GRIK2: variants seen among roughly 807,000 people sequenced by gnomAD.
GRIK2 encodes glutamate ionotropic receptor kainate type subunit 2, also known as glutamate receptor ionotropic, kainate 2.
Under a neutral mutation model 100.3 loss-of-function variants are expected in GRIK2, and 32 were observed. The observed-to-expected ratio is 0.32, with a 90% confidence interval of 0.24 to 0.43. The LOEUF (loss-of-function observed/expected upper bound fraction) is 0.43, where lower values mean the gene tolerates loss of function less well. GRIK2 is among the 20% of genes least tolerant of loss of function. GRIK2 has a pLI of 1.00. For missense variants in GRIK2, 843 were observed against 1,114.9 expected (o/e 0.76, Z 3.47); for synonymous variants, 417 against 389.4 (o/e 1.07, Z -0.83).
intron 2 of GRIK2, among the ~76,000 whole-genome samples, chr6:101,405,820 C>CGACTCAG (rs1248496062): frequency 2.9e-4 from 44 of 152,306 alleles, no homozygotes; most frequent in Admixed American, 2.7e-3. Flanking sequence ...GTGGCATTGC[C>CGACTCAG]GACTCAGAGT....
chr6:101,409,447 CATAAT>C (rs1416771398), intron 2 of GRIK2, among the ~76,000 whole-genome samples: 6 of 151,904 alleles, frequency 3.9e-5, no homozygotes, highest in African/African-American at 1.5e-4. Flanking sequence ...AATGTATATA[CATAAT>C]ATGTCTATCA....
In GRIK2 at chr6:101,814,529, C is replaced by A. The variant is rs1781518709; in HGVS notation, c.1204-3841C>A. Among the ~76,000 whole-genome samples the A allele has an allele frequency of 4.6e-5, 7 of 152,030 alleles. No individual in the cohort carries two copies. The South Asian group carries it at 1.5e-3, about 32-fold the overall frequency. ...CTTTATAATATAATCTGATGTTATT[C>A]AAACTATTAAAAGCTAAATTGTTAT... On this transcript the variant is annotated intron_variant, in intron 9 of 16. Transcript: ENST00000369134.
intron 2 of GRIK2, among the ~76,000 whole-genome samples, chr6:101,424,449 T>C (rs1776590036): frequency 2.0e-5 from 3 of 151,670 alleles, no homozygotes; most frequent in African/African-American, 7.3e-5. Flanking sequence ...GATAGTTTGC[T>C]AAGAATGATG....
At chr6:101,871,898 GGA>G (rs1785444620) in intron 11 of GRIK2, among the ~76,000 whole-genome samples, 1 of 151,884 alleles carries the variant, frequency 6.6e-6, no homozygotes, top group African/African-American at 2.4e-5. Flanking sequence ...TAAATCCAAA[GGA>G]TTTGGTGAGT....
At chr6:101,960,988 A>G (rs1310273273) in intron 14 of GRIK2, among the ~76,000 whole-genome samples, 1 of 152,124 alleles carries the variant, frequency 6.6e-6, no homozygotes, top group African/African-American at 2.4e-5. Context: ...TGGACCACCA[A>G]ACTCACCCTC....
chr6:101,735,623 A>G (rs1325994439), intron 7 of GRIK2, among the ~76,000 whole-genome samples: 2 of 152,280 alleles, frequency 1.3e-5, no homozygotes, highest in Non-Finnish European at 1.5e-5. Flanking sequence ...CTATCATGAA[A>G]ACAATATGTG....
intron 12 of GRIK2, among the ~76,000 whole-genome samples, chr6:101,907,135 A>AAT (rs1788286686): frequency 6.6e-6 from 1 of 151,728 alleles, no homozygotes; most frequent in African/African-American, 2.4e-5. Context: ...CATGTTAAGG[A>AAT]ATATATATTA....
At position 101,455,232 on chromosome 6, in the gene GRIK2, A is replaced by C. The variant is rs538647848; in HGVS notation, c.115+55840A>C. Reference sequence around the variant, plus strand: ...CTACAGCATTTTGTGCATATAAAAGAGAAGAAATTAAAAGTGGGTAATGTG... The same window carrying C: ...CTACAGCATTTTGTGCATATAAAAGCGAAGAAATTAAAAGTGGGTAATGTG... On this transcript the variant is annotated intron_variant, in intron 2 of 16. Coordinates refer to ENST00000369134, the MANE Select transcript of GRIK2 (RefSeq NM_021956.5). Among the ~76,000 whole-genome samples, 7 of 152,226 alleles carry C rather than the reference A, an allele frequency of 4.6e-5. No homozygotes were observed. In the South Asian group the frequency reaches 1.5e-3, roughly 32 times the overall value.
At chr6:101,728,574 T>C (rs993661277) in intron 7 of GRIK2, among the ~76,000 whole-genome samples, 2 of 152,080 alleles carry the variant, frequency 1.3e-5, no homozygotes, top group African/African-American at 4.8e-5. Flanking sequence ...TTTTAAATTC[T>C]GACAGGCACT....
chr6:101,432,500 A>G (rs1465169), intron 2 of GRIK2, among the ~76,000 whole-genome samples: 81,668 of 151,982 alleles, frequency 0.54, 22,419 homozygotes, highest in East Asian at 0.87. Context: ...CATTTATTGA[A>G]CGCCTAACAG....
chr6:101,612,254 C>T (rs9485520), intron 2 of GRIK2, among the ~76,000 whole-genome samples: 27 of 151,912 alleles, frequency 1.8e-4, no homozygotes, highest in African/African-American at 6.5e-4. Context: ...ATCTACCTTG[C>T]AGGACTGAAA....
At chr6:101,867,928 G>C (rs901959078) in intron 11 of GRIK2, among the ~76,000 whole-genome samples, 1 of 150,388 alleles carries the variant, frequency 6.6e-6, no homozygotes, top group African/African-American at 2.5e-5. Context: ...ATGAATTATT[G>C]AATAAATACC....
At chr6:102,020,415 G>A (rs761987948) in intron 14 of GRIK2, among the ~76,000 whole-genome samples, 7 of 151,818 alleles carry the variant, frequency 4.6e-5, no homozygotes, top group Non-Finnish European at 8.8e-5. Flanking sequence ...GGAGCAGAGT[G>A]AGGCTCAGTA....
chr6:102,059,426 TTA>T (rs2114517408), intron 16 of GRIK2, among the ~76,000 whole-genome samples: 1 of 151,296 alleles, frequency 6.6e-6, no homozygotes, highest in Admixed American at 6.6e-5. Flanking sequence ...TTCTGTGATT[TTA>T]AAGATATTTC....
intron 10 of GRIK2, among the ~76,000 whole-genome samples, chr6:101,857,215 G>T (rs1562442535): frequency 6.6e-6 from 1 of 152,134 alleles, no homozygotes; most frequent in African/African-American, 2.4e-5. Context: ...TAGTCTGTAG[G>T]AAAGAGAGCT....
intron 7 of GRIK2, among the ~76,000 whole-genome samples, chr6:101,759,669 T>C (rs73761411): frequency 0.072 from 10,946 of 152,102 alleles, 508 homozygotes; most frequent in African/African-American, 0.12. Context: ...TGTTGTGTAT[T>C]AACCAGCCAA....
intron 2 of GRIK2, among the ~76,000 whole-genome samples, chr6:101,553,235 C>T (rs1234444861): frequency 2.0e-5 from 3 of 151,974 alleles, no homozygotes; most frequent in South Asian, 2.1e-4. Flanking sequence ...TAGTGATTGT[C>T]CTATTTCATT....
chr6:101,967,678 C>A (rs572539628), intron 14 of GRIK2, among the ~76,000 whole-genome samples: 2 of 151,970 alleles, frequency 1.3e-5, no homozygotes, highest in Non-Finnish European at 2.9e-5. Flanking sequence ...TCCCAGTGGG[C>A]AGGAAACACT....
intron 2 of GRIK2, among the ~76,000 whole-genome samples, chr6:101,483,930 T>C (rs925192328): frequency 1.3e-5 from 2 of 152,228 alleles, no homozygotes; most frequent in East Asian, 1.9e-4. Flanking sequence ...TTATATAAAG[T>C]AGGGCATTAA....
Sources: gnomAD v4.1 joint callset for allele counts (sites outside exome capture counted in the v4.1 genomes callset) on GRCh38, gnomAD v4.1.1 for gene constraint, MANE v1.5 for transcripts, NCBI Gene and HGNC (gene_info 2026-07-23, HGNC 2026-07-21) for gene names.